MS4A14: variants seen among roughly 807,000 people sequenced by gnomAD.
MS4A14 encodes the protein membrane-spanning 4-domains subfamily A member 14.
In MS4A14, 18 loss-of-function variants were observed where a neutral mutation model predicts 16.7. That is an observed-to-expected ratio of 1.08 (90% CI 0.75 to 1.60). The LOEUF (loss-of-function observed/expected upper bound fraction) is 1.60. Among genes scored for constraint, MS4A14 ranks in the 40% most tolerant of loss-of-function variants. The pLI is 0.00. For synonymous variants in MS4A14, 305 were observed against 289.4 expected (o/e 1.05, Z -0.55); for missense variants, 812 against 775.3 (o/e 1.05, Z -0.56).
intron 4 of MS4A14, among the ~76,000 whole-genome samples, chr11:60,407,502 A>G (rs767406107): frequency 6.6e-5 from 10 of 152,222 alleles, no homozygotes; most frequent in Non-Finnish European, 1.3e-4. Context: ...AGAAAATACC[A>G]AACAGTTTGT....
At chr11:60,411,499 T>G (rs7117491) in intron 4 of MS4A14, among the ~76,000 whole-genome samples, 48,766 of 152,134 alleles carry the variant, frequency 0.32, 8,028 homozygotes, top group Middle Eastern at 0.49. Context: ...AGATTTATTC[T>G]AAAGTATGTA....
intron 4 of MS4A14, among the ~76,000 whole-genome samples, chr11:60,408,006 T>G (rs1673671532): frequency 6.6e-6 from 1 of 152,194 alleles, no homozygotes; most frequent in Non-Finnish European, 1.5e-5. Context: ...CTACAGAAGT[T>G]TTATAATTTT....
intron 1 of MS4A14, 91 bp from the exon 2 acceptor site, chr11:60,397,761 G>A: frequency 2.4e-6 from 3 of 1,236,206 alleles, no homozygotes; most frequent in Non-Finnish European, 2.3e-6. Flanking sequence ...GGAGGGAAAG[G>A]TGTGCCATGG....
At chr11:60,413,612 A>G (rs2085898510) in intron 4 of MS4A14, among the ~76,000 whole-genome samples, 1 of 152,108 alleles carries the variant, frequency 6.6e-6, no homozygotes, top group African/African-American at 2.4e-5. Flanking sequence ...CCCTTTAGAA[A>G]CAATACTAAA....
rs113290465 is a variant in MS4A14, at chr11:60,416,605, A to G, written c.1637A>G (p.His546Arg). The change falls in exon 5 of 5, where the codon CAC (histidine) becomes CGC (arginine). Residue 546 changes from histidine to arginine, a missense_variant. His to Arg is a conservative substitution (Grantham distance 29). Coordinates refer to ENST00000300187, the MANE Select transcript of MS4A14 (RefSeq NM_032597.5). ...QIKDWLSPKR[H>R]SVDKQAQLNQ... ...AAAGACTGGCTATCCCCAAAGAGGC[A>G]CTCCGTAGATAAGCAAGCTCAACTT... 6.2e-7 allele frequency: 1 copy of G among 1,613,884 alleles called. No homozygotes were observed. The highest frequency in any genetic ancestry group is 8.5e-7 in the Non-Finnish European group (1 of 1,179,920).
Position 60,417,256 on chromosome 11 carries a change from G to T in MS4A14, c.*248G>T. 2.6e-6 allele frequency: 1 copy of T among 380,644 alleles called. No homozygotes were observed. 23.6% of individuals were successfully genotyped at this position (380,644 alleles called of 1,614,324 possible). A position where few individuals can be genotyped will look rare whatever the true frequency, so the allele number is the denominator to read the frequency against. ...TGTACACTAGAGACATCAAACCAGGGGACATGAAATGTATAGGGCAAACCT... is the reference window on the plus strand; with the variant it reads ...TGTACACTAGAGACATCAAACCAGGTGACATGAAATGTATAGGGCAAACCT... On this transcript the variant is annotated 3_prime_UTR_variant, in exon 5 of 5. Coordinates refer to ENST00000300187, the MANE Select transcript of MS4A14 (RefSeq NM_032597.5).
In MS4A14 at chr11:60,410,646, C is replaced by A. The variant is rs79244499; in HGVS notation, c.469-4791C>A. ...TATAAGGTAAGGGTCCAACTCTATT[C>A]TTTCACATGTGGATGCCCAGTTATT... On this transcript the variant is annotated intron_variant, in intron 4 of 4. Coordinates refer to ENST00000300187, the MANE Select transcript of MS4A14 (RefSeq NM_032597.5). Among the ~76,000 whole-genome samples, 65 of 152,176 alleles carry A rather than the reference C, an allele frequency of 4.3e-4. 1 individual carries two copies. In the East Asian group the frequency reaches 7.2e-3, roughly 17 times the overall value.
chr11:60,411,253 T>G (rs192239798), intron 4 of MS4A14, among the ~76,000 whole-genome samples: 1 of 152,366 alleles, frequency 6.6e-6, no homozygotes, highest in African/African-American at 2.4e-5. Context: ...ATTCAGGGCC[T>G]CTTAAAATTC....
Position 60,416,034 on chromosome 11 carries a change from C to G in MS4A14, c.1066C>G (p.Pro356Ala). ...QSSNLTANDL[P>A]PQGILSQDTS... The stretch of plus-strand genomic sequence containing the variant: ...TTCTAATCTGACAGCTAATGACCTG[C>G]CCCCTCAAGGCATACTATCCCAAGA... The change falls in exon 5 of 5, where the codon CCC becomes GCC. Residue 356 changes from proline (P) to alanine (A), a missense_variant. By Grantham distance (27) the Pro-to-Ala change is conservative. Transcript: ENST00000300187. 1 of 1,613,692 alleles carries G rather than the reference C, an allele frequency of 6.2e-7. No homozygotes were observed. The highest frequency in any genetic ancestry group is 1.7e-4 in the Middle Eastern group (1 of 6,060).
chr11:60,397,246 A>G (rs1388736946), intron 1 of MS4A14, among the ~76,000 whole-genome samples: 3 of 152,154 alleles, frequency 2.0e-5, no homozygotes, highest in African/African-American at 7.2e-5. Context: ...CACTGCTGCT[A>G]TTCTTTTCCC....
In MS4A14 at chr11:60,416,078, G is replaced by T; in HGVS notation, c.1110G>T (p.Met370Ile). The T allele has an allele frequency of 6.2e-7, 1 of 1,611,338 alleles. No homozygotes were observed. The highest frequency in any genetic ancestry group is 8.5e-7 in the Non-Finnish European group (1 of 1,178,712). The change falls in exon 5 of 5, where the codon ATG becomes ATT. Residue 370 changes from methionine to isoleucine, a missense_variant. Met to Ile is a conservative substitution (Grantham distance 10, BLOSUM62 1). Coordinates refer to ENST00000300187, the MANE Select transcript of MS4A14 (RefSeq NM_032597.5). ...ILSQDTSSQD[M>I]LFHDMTSQDM... ...CCCAAGACACATCATCTCAAGATAT[G>T]CTGTTTCATGACATGACATCCCAAG...
chr11:60,405,302 C>T (rs113583508), intron 4 of MS4A14, among the ~76,000 whole-genome samples: 9,109 of 152,254 alleles, frequency 0.06, 385 homozygotes, highest in South Asian at 0.22. Context: ...TGGTCGCAAA[C>T]TCCCAACCTC....
chr11:60,414,779 C>T (rs1184661351), intron 4 of MS4A14, among the ~76,000 whole-genome samples: 4 of 151,990 alleles, frequency 2.6e-5, no homozygotes, highest in Non-Finnish European at 5.9e-5. Context: ...TTTTTGTACC[C>T]GCTATTCCAC....
At position 60,396,582 on chromosome 11, in the gene MS4A14, G is replaced by A. The variant is rs201462421; in HGVS notation, c.4G>A (p.Glu2Lys). 1.4e-5 allele frequency: 22 copies of A among 1,613,322 alleles called. No individual in the cohort carries two copies. The highest frequency in any genetic ancestry group is 3.3e-5 in the Admixed American group (2 of 59,868). MESTSQDRRATH... is the reference protein window; with the variant it reads MKSTSQDRRATH... ...ACTAGAGTTCTGCCATAGAATCATG[G>A]AGTCAACATCCCAGGACAGAAGGGC... The change falls in exon 1 of 5, where the codon GAG becomes AAG. Residue 2 changes from glutamate to lysine, a missense_variant. Glu to Lys is a moderately conservative substitution (Grantham distance 56). Coordinates refer to ENST00000300187, the MANE Select transcript of MS4A14 (RefSeq NM_032597.5).
At chr11:60,408,114 A>C (rs540135027) in intron 4 of MS4A14, among the ~76,000 whole-genome samples, 213 of 152,206 alleles carry the variant, frequency 1.4e-3, no homozygotes, top group Admixed American at 1.6e-3. Flanking sequence ...GGAGATATCC[A>C]GTTGTTAACG....
intron 2 of MS4A14, among the ~76,000 whole-genome samples, chr11:60,399,729 G>C (rs2085681951): frequency 6.6e-6 from 1 of 152,158 alleles, no homozygotes; most frequent in Non-Finnish European, 1.5e-5. Context: ...CTCGGAGGTA[G>C]AAGTGACAGG....
At position 60,416,699 on chromosome 11, in the gene MS4A14, A is replaced by T. The variant is rs2085951364; in HGVS notation, c.1731A>T (p.Pro577=). 6.2e-7 allele frequency: 1 copy of T among 1,613,788 alleles called. No individual in the cohort carries two copies. The highest frequency in any genetic ancestry group is 1.3e-5 in the African/African-American group (1 of 74,928). The part of the protein sequence containing the change: ...EDQQAKGEQY[P]EGQSKDGQVK... ...AGCAAGCCAAAGGGGAACAATACCCAGAAGGACAATCTAAAGATGGACAAG... is the reference window on the plus strand; with the variant it reads ...AGCAAGCCAAAGGGGAACAATACCCTGAAGGACAATCTAAAGATGGACAAG... The change falls in exon 5 of 5, where the codon CCA becomes CCT. Residue 577 remains proline, a synonymous_variant. Transcript: ENST00000300187.
At chr11:60,411,063 C>T (rs891620170) in intron 4 of MS4A14, among the ~76,000 whole-genome samples, 1 of 152,158 alleles carries the variant, frequency 6.6e-6, no homozygotes, top group African/African-American at 2.4e-5. Context: ...CCAGGCTCAT[C>T]TCGAGCTCCT....
chr11:60,397,938 C>T lies in MS4A14; in HGVS notation c.225C>T (p.Pro75=). 1.9e-6 allele frequency: 3 copies of T among 1,613,604 alleles called. No individual in the cohort carries two copies. Among genetic ancestry groups the T allele is most frequent in the Non-Finnish European group, 2.5e-6 (3 of 1,179,654 alleles). Residue 75 remains proline (P), a synonymous_variant, in exon 2 of 5, where the codon CCC becomes CCT. Transcript: ENST00000300187. ...ACATCGGTTTCTCCCAAAGACTTCC[C>T]CTTGTTGTCCTCACAGGATATCCAT... ...LNYIGFSQRL[P]LVVLTGYPFW...
Sources: gnomAD v4.1 joint callset for allele counts (sites outside exome capture counted in the v4.1 genomes callset) on GRCh38, gnomAD v4.1.1 for gene constraint, MANE v1.5 for transcripts, NCBI Gene and HGNC (gene_info 2026-07-23, HGNC 2026-07-21) for gene names.